Variants in RFX3 observed in about 807,000 individuals in gnomAD.
The protein encoded by RFX3 is transcription factor RFX3.
In RFX3, 14 loss-of-function variants were observed where a neutral mutation model predicts 98.6. The observed-to-expected ratio is 0.14, with a 90% CI of 0.09 to 0.22. RFX3 has a LOEUF of 0.22. Among genes scored for constraint, RFX3 ranks in the 10% least tolerant of loss-of-function variants. The pLI is 1.00. For missense variants in RFX3, 639 were observed against 926.9 expected, an observed-to-expected ratio of 0.69 and a Z score of 4.03; for synonymous variants, 383 against 328.4, an observed-to-expected ratio of 1.17 and a Z score of -1.80.
At chr9:3,311,471 G>C (rs900144043) in intron 4 of RFX3, among the ~76,000 whole-genome samples, 1 of 152,166 alleles carries the variant, frequency 6.6e-6, no homozygotes, top group African/African-American at 2.4e-5. Flanking sequence ...CATTCAACCA[G>C]GAACAACAAA....
At chr9:3,259,476 G>T (rs1049969195) in intron 13 of RFX3, among the ~76,000 whole-genome samples, 1 of 148,718 alleles carries the variant, frequency 6.7e-6, no homozygotes, top group East Asian at 2.0e-4. Flanking sequence ...AATTAAAAAA[G>T]CTAAGGACAC....
At chr9:3,504,294 TATTA>T (rs1269231626) in intron 1 of RFX3, among the ~76,000 whole-genome samples, 2 of 135,350 alleles carry the variant, frequency 1.5e-5, no homozygotes, top group African/African-American at 5.6e-5. Context: ...ATAAAATATA[TATTA>T]TATACCACAT....
chr9:3,522,189 T>A (rs945548050), intron 1 of RFX3, among the ~76,000 whole-genome samples: 3 of 152,180 alleles, frequency 2.0e-5, no homozygotes, highest in Non-Finnish European at 2.9e-5. Context: ...GACACCTGTT[T>A]AAAGCAGCCA....
chr9:3,257,210 A>C lies in RFX3; in HGVS notation c.1606-11T>G, dbSNP rs1451543466. The C allele has an allele frequency of 6.2e-7, 1 of 1,612,998 alleles. No individual in the cohort carries two copies. The highest frequency in any genetic ancestry group is 2.2e-5 in the East Asian group (1 of 44,832). On this transcript the variant is annotated splice_polypyrimidine_tract_variant and intron_variant, in intron 13 of 16. Coordinates refer to ENST00000617270, the MANE Select transcript of RFX3 (RefSeq NM_001282116.2). ...CCAGGAAGCCTGCTCCTGAGACAGT[A>C]ACACAGAAAGAAAAGGAAAAGTTCA...
chr9:3,421,036 A>AACC lies in RFX3; in HGVS notation c.-8-25441_-8-25440insGGT, dbSNP rs1843398636. On this transcript the variant is annotated intron_variant, in intron 1 of 16. Transcript: ENST00000617270. Reference sequence around the variant, plus strand: ...CTATGTGCCAAAAAAAAAAAAAAAAACAAGAAGGCAACAAATAATCAATAC... The same window carrying AACC: ...CTATGTGCCAAAAAAAAAAAAAAAAAACCCAAGAAGGCAACAAATAATCAATAC... 4 of 476,792 alleles carry AACC rather than the reference A, an allele frequency of 8.4e-6. No homozygotes were observed. In the African/African-American group the frequency reaches 8.5e-5, roughly 10 times the overall value. The allele number at this position is 476,792 out of a possible 1,614,324, so 29.5% of individuals were successfully genotyped here.
At chr9:3,255,131 G>C (rs1354641965) in intron 14 of RFX3, among the ~76,000 whole-genome samples, 1 of 152,218 alleles carries the variant, frequency 6.6e-6, no homozygotes, top group Non-Finnish European at 1.5e-5. Context: ...AACATATAAT[G>C]TGGATCTATA....
At chr9:3,466,654 C>T (rs1848249035) in intron 1 of RFX3, among the ~76,000 whole-genome samples, 1 of 151,944 alleles carries the variant, frequency 6.6e-6, no homozygotes, top group African/African-American at 2.4e-5. Context: ...AATTAGATGT[C>T]TTATTTGAAA....
chr9:3,506,032 T>A (rs973280685), intron 1 of RFX3, among the ~76,000 whole-genome samples: 3 of 151,772 alleles, frequency 2.0e-5, no homozygotes, highest in Admixed American at 2.0e-4. Context: ...AAAAGTGAAA[T>A]GAGCATGTAT....
At chr9:3,439,462 G>C (rs538199337) in intron 1 of RFX3, among the ~76,000 whole-genome samples, 1 of 152,100 alleles carries the variant, frequency 6.6e-6, no homozygotes, top group Non-Finnish European at 1.5e-5. Flanking sequence ...AGCAATTCCA[G>C]GAAGGAGAGG....
intron 13 of RFX3, among the ~76,000 whole-genome samples, chr9:3,260,326 G>A (rs1484547964): frequency 6.6e-6 from 1 of 151,826 alleles, no homozygotes; most frequent in Non-Finnish European, 1.5e-5. Context: ...GGCAGGTAGA[G>A]GATAAGTCGT....
At chr9:3,325,115 G>A (rs531321737) in intron 4 of RFX3, among the ~76,000 whole-genome samples, 22 of 152,162 alleles carry the variant, frequency 1.4e-4, no homozygotes, top group African/African-American at 4.3e-4. Flanking sequence ...TAACTAATTC[G>A]TATAAATAAA....
At chr9:3,353,132 G>A (rs548406328) in intron 2 of RFX3, among the ~76,000 whole-genome samples, 1 of 149,530 alleles carries the variant, frequency 6.7e-6, no homozygotes, top group South Asian at 2.1e-4. Flanking sequence ...TCACTCATAG[G>A]TGGGAATTGA....
intron 1 of RFX3, chr9:3,490,364 G>C (rs1353518519): frequency 1.1e-6 from 1 of 945,944 alleles, no homozygotes; most frequent in East Asian, 1.2e-4. Flanking sequence ...TTAAAAGCAA[G>C]AACAATTAGT....
intron 7 of RFX3, among the ~76,000 whole-genome samples, chr9:3,278,136 T>G (rs1825472353): frequency 6.6e-6 from 1 of 151,948 alleles, no homozygotes. Context: ...TACAAACTTA[T>G]GTATTTTCCA....
chr9:3,461,020 GTACATTTTAACA>G (rs1163845480), intron 1 of RFX3, among the ~76,000 whole-genome samples: 2 of 150,852 alleles, frequency 1.3e-5, no homozygotes, highest in African/African-American at 2.4e-5. Context: ...GGTAGTTTTG[GTACATTTTAACA>G]TTCATCGCTG....
intron 1 of RFX3, among the ~76,000 whole-genome samples, chr9:3,423,780 T>TATATATATATAC (rs1250773413): frequency 1.1e-4 from 5 of 45,408 alleles, no homozygotes; most frequent in African/African-American, 4.9e-4. Context: ...TATATTTTCA[T>TATATATATATAC]ATATATATAT....
intron 3 of RFX3, among the ~76,000 whole-genome samples, chr9:3,343,028 C>G (rs548237743): frequency 2.0e-5 from 3 of 152,312 alleles, no homozygotes; most frequent in South Asian, 4.1e-4. Context: ...CTCACTAACC[C>G]ACACTGTTAA....
At chr9:3,503,977 G>A (rs1266132474) in intron 1 of RFX3, among the ~76,000 whole-genome samples, 1 of 151,028 alleles carries the variant, frequency 6.6e-6, no homozygotes, top group Non-Finnish European at 1.5e-5. Flanking sequence ...ATGTGCACAC[G>A]CTGTTCAATT....
intron 1 of RFX3, among the ~76,000 whole-genome samples, chr9:3,443,613 C>T (rs1845790723): frequency 6.6e-6 from 1 of 152,116 alleles, no homozygotes. Context: ...CATTGATGGG[C>T]ATTTGGGTTG....
Sources: allele counts gnomAD v4.1 joint callset (sites outside exome capture counted in the v4.1 genomes callset), GRCh38; gene constraint gnomAD v4.1.1; transcripts MANE v1.5; gene names NCBI Gene and HGNC (gene_info 2026-07-23, HGNC 2026-07-21).